C4orf51: variants seen among roughly 807,000 people sequenced by gnomAD.
C4orf51 encodes the protein uncharacterized protein C4orf51.
C4orf51 carries 25 observed loss-of-function variants against 25.2 expected under a neutral mutation model. The ratio of observed to expected loss-of-function variants is 0.99; its 90% confidence interval spans 0.72 to 1.39. The LOEUF is 1.39. Among genes scored for constraint, C4orf51 ranks in the 40% most tolerant of loss-of-function variants. C4orf51 has a pLI of 0.00. For synonymous variants in C4orf51, 100 were observed against 84.5 expected, an observed-to-expected ratio of 1.18 and a Z score of -1.01; for missense variants, 252 against 239.6, an observed-to-expected ratio of 1.05 and a Z score of -0.34.
At chr4:145,733,498 C>T (rs921109503), downstream of C4orf51, among the ~76,000 whole-genome samples, 1 of 152,236 alleles carries the variant, frequency 6.6e-6, no homozygotes, top group East Asian at 1.9e-4. Context: ...GTTTGGTTTA[C>T]TAAAGTAGCC....
chr4:145,691,394 A>G (rs2126672038), intron 1 of C4orf51, among the ~76,000 whole-genome samples: 1 of 152,368 alleles, frequency 6.6e-6, no homozygotes, highest in East Asian at 1.9e-4. Flanking sequence ...GAGATTTCTC[A>G]AAGAACTAAA....
downstream of C4orf51, chr4:145,774,608 C>A (rs745342753): frequency 6.2e-7 from 1 of 1,613,758 alleles, no homozygotes; most frequent in East Asian, 2.2e-5. Flanking sequence ...TCCTTGTCCA[C>A]GTGGAGTGAC....
chr4:145,716,572 T>G (rs1731427533), intron 2 of C4orf51, among the ~76,000 whole-genome samples: 1 of 152,234 alleles, frequency 6.6e-6, no homozygotes, highest in Non-Finnish European at 1.5e-5. Context: ...GTTGAATCTT[T>G]GAAGGTTTAA....
intron 2 of C4orf51, among the ~76,000 whole-genome samples, chr4:145,724,880 CAAAAAAAAAAAAAA>C (rs1222983724): frequency 4.4e-5 from 3 of 68,322 alleles, no homozygotes; most frequent in Non-Finnish European, 8.3e-5. Context: ...AAGACTGTCT[CAAAAAAAAAAAAAA>C]AAAAAAAAAG....
chr4:145,723,168 A>C (rs1279152049), intron 2 of C4orf51, among the ~76,000 whole-genome samples: 1 of 152,138 alleles, frequency 6.6e-6, no homozygotes, highest in Non-Finnish European at 1.5e-5. Flanking sequence ...CCTGGTGTTA[A>C]AAAGGTTGGG....
the C4orf51 span, among the ~76,000 whole-genome samples, chr4:145,783,670 T>C: frequency 1.3e-5 from 2 of 152,228 alleles, no homozygotes; most frequent in Non-Finnish European, 2.9e-5. Context: ...TGCTTTTCTG[T>C]TAAAATGAAG....
chr4:145,708,759 A>C (rs979275172), intron 2 of C4orf51, among the ~76,000 whole-genome samples: 7 of 152,198 alleles, frequency 4.6e-5, no homozygotes, highest in African/African-American at 1.4e-4. Flanking sequence ...CTATGGGTCT[A>C]TTGTGCCTAC....
At chr4:145,722,387 T>G (rs1731788282) in intron 2 of C4orf51, among the ~76,000 whole-genome samples, 1 of 152,206 alleles carries the variant, frequency 6.6e-6, no homozygotes, top group South Asian at 2.1e-4. Context: ...GATAAGAATG[T>G]TCTCTTACAT....
At chr4:145,717,147 T>C (rs1731462432) in intron 2 of C4orf51, among the ~76,000 whole-genome samples, 1 of 152,100 alleles carries the variant, frequency 6.6e-6, no homozygotes, top group South Asian at 2.1e-4. Context: ...TGTGGCCTGC[T>C]AGACCTGCTG....
chr4:145,779,110 A>G, the C4orf51 span, among the ~76,000 whole-genome samples: 1 of 152,180 alleles, frequency 6.6e-6, no homozygotes, highest in African/African-American at 2.4e-5. Context: ...ATTTTTTTTA[A>G]CAGAGTTTAG....
chr4:145,716,811 A>G (rs1376350888), intron 2 of C4orf51, among the ~76,000 whole-genome samples: 1 of 152,216 alleles, frequency 6.6e-6, no homozygotes, highest in Non-Finnish European at 1.5e-5. Context: ...ATTTGACTTT[A>G]TAAGCATAGT....
the C4orf51 span, among the ~76,000 whole-genome samples, chr4:145,787,010 TGCTCATGCCAGTCCTAACAGACTTACTAG>T: frequency 6.6e-6 from 1 of 152,160 alleles, no homozygotes; most frequent in African/African-American, 2.4e-5. Flanking sequence ...CCAGAAGTGT[TGCTCATGCCAGTCCTAACAGACTTACTAG>T]GCTCCCTATG....
chr4:145,774,426 G>A (rs1163258282), downstream of C4orf51: 2 of 1,483,238 alleles, frequency 1.3e-6, no homozygotes, highest in Non-Finnish European at 1.8e-6. Flanking sequence ...GGGCAGTGGG[G>A]ATGCTTCGGC....
At chr4:145,680,461 C>T (rs548405321) in intron 1 of C4orf51, 25 bp downstream of exon 1, 18 of 1,527,496 alleles carry the variant, frequency 1.2e-5, no homozygotes, top group Non-Finnish European at 1.6e-5. Context: ...TAATTTGCAC[C>T]TGGATATATC....
At position 145,706,466 on chromosome 4, in the gene C4orf51, A is replaced by G. The variant is rs1267903153; in HGVS notation, c.307+9834A>G. On this transcript the variant is annotated intron_variant, in intron 2 of 5. Coordinates refer to ENST00000438731, the MANE Select transcript of C4orf51 (RefSeq NM_001080531.3). ...TATAAAGTGATATTCTTTACTCACCACAGGCCAGGAACCCCATACAGGGAC... is the reference window on the plus strand; with the variant it reads ...TATAAAGTGATATTCTTTACTCACCGCAGGCCAGGAACCCCATACAGGGAC... Among the ~76,000 whole-genome samples the G allele has an allele frequency of 2.0e-5, 3 of 152,196 alleles. No individual in the cohort carries two copies. The East Asian group carries it at 5.8e-4, about 29-fold the overall frequency.
chr4:145,787,811 C>T, the C4orf51 span, among the ~76,000 whole-genome samples: 1 of 152,130 alleles, frequency 6.6e-6, no homozygotes, highest in African/African-American at 2.4e-5. Flanking sequence ...CCTTCATTTT[C>T]AGGAGGGCAA....
intron 2 of C4orf51, among the ~76,000 whole-genome samples, chr4:145,726,092 T>C (rs187927939): frequency 6.6e-6 from 1 of 152,302 alleles, no homozygotes; most frequent in Admixed American, 6.5e-5. Flanking sequence ...TATTTACCTC[T>C]CCCAAAAGCT....
chr4:145,773,674 G>T (rs1736618625), downstream of C4orf51, among the ~76,000 whole-genome samples: 1 of 152,256 alleles, frequency 6.6e-6, no homozygotes, highest in African/African-American at 2.4e-5. Context: ...ATAAATGGAA[G>T]AAGTTAACCA....
intron 1 of C4orf51, among the ~76,000 whole-genome samples, chr4:145,742,532 GTTTTTTTTTTT>G (rs141147414): frequency 8.6e-5 from 9 of 105,010 alleles, no homozygotes; most frequent in Admixed American, 4.3e-4. Flanking sequence ...TCTTTTTCTT[GTTTTTTTTTTT>G]TTTTTTTTTT....
Sources: allele counts gnomAD v4.1 joint callset (sites outside exome capture counted in the v4.1 genomes callset), GRCh38; gene constraint gnomAD v4.1.1; transcripts MANE v1.5; gene names NCBI Gene and HGNC (gene_info 2026-07-23, HGNC 2026-07-21).